MAPT: variants seen among roughly 807,000 people sequenced by gnomAD.
MAPT encodes microtubule associated protein tau.
Under a neutral mutation model 67.9 loss-of-function variants are expected in MAPT, and 34 were observed. The observed-to-expected ratio is 0.50, with a 90% CI of 0.38 to 0.67. MAPT has a LOEUF of 0.67. MAPT is among the 30% of genes least tolerant of loss of function. The pLI is 0.00. For synonymous variants in MAPT, 456 were observed against 464.5 expected, an observed-to-expected ratio of 0.98 and a Z score of 0.23; for missense variants, 881 against 1,115.2, an observed-to-expected ratio of 0.79 and a Z score of 2.99.
intron 1 of MAPT, among the ~76,000 whole-genome samples, chr17:45,916,971 G>A (rs563727794): frequency 1.3e-5 from 2 of 152,330 alleles, no homozygotes; most frequent in Admixed American, 6.5e-5. Flanking sequence ...CCGGCCAGAG[G>A]TGCCATCTCA....
chr17:45,966,493 G>C (rs1255177673), intron 2 of MAPT, among the ~76,000 whole-genome samples: 1 of 152,174 alleles, frequency 6.6e-6, no homozygotes, highest in East Asian at 1.9e-4. Flanking sequence ...CGGGGCTGAG[G>C]TGGGAGAATC....
At chr17:45,928,148 T>C (rs2066531011) in intron 1 of MAPT, among the ~76,000 whole-genome samples, 1 of 152,150 alleles carries the variant, frequency 6.6e-6, no homozygotes, top group South Asian at 2.1e-4. Flanking sequence ...AAGGACAGGT[T>C]TATGCTGCAG....
chr17:46,016,597 C>T (rs1263630906), intron 11 of MAPT, among the ~76,000 whole-genome samples: 2 of 151,896 alleles, frequency 1.3e-5, no homozygotes, highest in Non-Finnish European at 2.9e-5. Flanking sequence ...CAGTGAAACC[C>T]TGTCTCTACT....
At chr17:45,954,013 T>C (rs1389398065) in intron 1 of MAPT, among the ~76,000 whole-genome samples, 2 of 152,200 alleles carry the variant, frequency 1.3e-5, no homozygotes, top group Non-Finnish European at 2.9e-5. Flanking sequence ...AGTTTTTCTT[T>C]TTTTTCGATC....
intron 1 of MAPT, among the ~76,000 whole-genome samples, chr17:45,960,121 A>G (rs2070220707): frequency 6.6e-6 from 1 of 152,266 alleles, no homozygotes; most frequent in South Asian, 2.1e-4. Context: ...ATGAAAACAG[A>G]CACATTTGCA....
At chr17:45,962,263 A>T in intron 1 of MAPT, 58 bp from the exon 2 acceptor site, 2 of 1,358,368 alleles carry the variant, frequency 1.5e-6, no homozygotes, top group Non-Finnish European at 2.1e-6. Flanking sequence ...CTCTCTCTTC[A>T]CCCCCACTCT....
intron 3 of MAPT, chr17:45,974,910 A>C: frequency 1.6e-5 from 3 of 191,624 alleles, no homozygotes; most frequent in East Asian, 1.4e-4. Flanking sequence ...ACTGGACCAC[A>C]CCTTTTGGTG....
intron 8 of MAPT, among the ~76,000 whole-genome samples, 154 bp downstream of exon 8, chr17:45,991,740 C>T (rs2074071269): frequency 6.6e-6 from 1 of 151,994 alleles, no homozygotes; most frequent in South Asian, 2.1e-4. Flanking sequence ...TCATTGCCTT[C>T]TCAGTCCTTT....
At chr17:45,904,587 G>A (rs2064167812) in intron 1 of MAPT, among the ~76,000 whole-genome samples, 1 of 150,170 alleles carries the variant, frequency 6.7e-6, no homozygotes, top group Non-Finnish European at 1.5e-5. Context: ...AGCTACTTGG[G>A]AGGCCGAAGC....
intron 1 of MAPT, among the ~76,000 whole-genome samples, chr17:45,910,024 G>C (rs2064648174): frequency 6.6e-6 from 1 of 152,184 alleles, no homozygotes; most frequent in South Asian, 2.1e-4. Flanking sequence ...CTGGGCGACA[G>C]AGTGAGTGAG....
chr17:45,996,704 C>CG lies in MAPT; in HGVS notation c.1998+41dup. 6.2e-7 allele frequency: 1 copy of CG among 1,608,130 alleles called. No individual in the cohort carries two copies. The highest frequency in any genetic ancestry group is 8.5e-7 in the Non-Finnish European group (1 of 1,176,998). On this transcript the variant is annotated intron_variant, in intron 9 of 12. Coordinates refer to ENST00000262410, the MANE Select transcript of MAPT (RefSeq NM_001377265.1). The surrounding 1 kb of genome is among the most constrained non-coding windows in gnomAD (Gnocchi z 4.5). ...CTGCGCGTGGAGGTGTGGGGGGCTG[C>CG]GCCTGGAGGGGTAGGGCTGTGCCTG...
At chr17:45,946,949 C>T (rs761169047) in intron 1 of MAPT, among the ~76,000 whole-genome samples, 2 of 152,192 alleles carry the variant, frequency 1.3e-5, no homozygotes, top group African/African-American at 2.4e-5. Context: ...TGCCCTCATA[C>T]AATCGTTGAT....
chr17:45,926,898 T>C (rs963597267), intron 1 of MAPT, among the ~76,000 whole-genome samples: 1 of 151,720 alleles, frequency 6.6e-6, no homozygotes, highest in Non-Finnish European at 1.5e-5. Flanking sequence ...GTGGTATGAG[T>C]GTGTGTATGT....
At chr17:45,944,940 C>G (rs1055324972) in intron 1 of MAPT, among the ~76,000 whole-genome samples, 2 of 152,236 alleles carry the variant, frequency 1.3e-5, no homozygotes, top group Non-Finnish European at 2.9e-5. Flanking sequence ...AACTCTCCAG[C>G]AAATCACCTC....
chr17:45,943,189 G>A (rs1598074073), intron 1 of MAPT, among the ~76,000 whole-genome samples: 1 of 152,318 alleles, frequency 6.6e-6, no homozygotes, highest in Admixed American at 6.5e-5. Context: ...AAGTAGCTGG[G>A]ATTATAGATG....
At chr17:46,016,727 C>T (rs548763458) in intron 11 of MAPT, among the ~76,000 whole-genome samples, 3 of 152,004 alleles carry the variant, frequency 2.0e-5, no homozygotes, top group Non-Finnish European at 4.4e-5. Context: ...GCCAAGATCG[C>T]GCCACTGCAT....
At chr17:45,918,238 G>T (rs541383001) in intron 1 of MAPT, among the ~76,000 whole-genome samples, 1 of 152,200 alleles carries the variant, frequency 6.6e-6, no homozygotes. Context: ...CCACTGAAGC[G>T]TTTCCCCCAG....
At chr17:45,912,323 T>C (rs62056840) in intron 1 of MAPT, among the ~76,000 whole-genome samples, 21,831 of 152,284 alleles carry the variant, frequency 0.14, 2,138 homozygotes, top group Middle Eastern at 0.22. Flanking sequence ...GGGGTCTTTG[T>C]AGATGTGGTT....
chr17:45,904,338 A>ATATATATAT (rs1434963461), intron 1 of MAPT, among the ~76,000 whole-genome samples: 15 of 62,438 alleles, frequency 2.4e-4, no homozygotes, highest in African/African-American at 4.7e-4. Flanking sequence ...ATTATATATT[A>ATATATATAT]TATATATATT....
Sources: allele counts gnomAD v4.1 joint callset (sites outside exome capture counted in the v4.1 genomes callset), GRCh38; gene constraint gnomAD v4.1.1; non-coding constraint Gnocchi (gnomAD v3.1); transcripts MANE v1.5; gene names NCBI Gene and HGNC (gene_info 2026-07-23, HGNC 2026-07-21).